Variants in OIP5 observed in about 807,000 individuals in gnomAD.
The protein encoded by OIP5 is Opa interacting protein 5.
In OIP5, 24 loss-of-function variants were observed where a neutral mutation model predicts 20.3. That is an observed-to-expected ratio of 1.18 (90% CI 0.86 to 1.66). The LOEUF is 1.66. Among genes scored for constraint, OIP5 ranks in the 40% most tolerant of loss-of-function variants. The pLI is 0.00. For synonymous variants in OIP5, 143 were observed against 121.3 expected (o/e 1.18, Z -1.17); for missense variants, 339 against 289.5 (o/e 1.17, Z -1.24).
At chr15:41,328,149 T>C (rs1019594645) in intron 2 of OIP5, among the ~76,000 whole-genome samples, 1 of 152,244 alleles carries the variant, frequency 6.6e-6, no homozygotes, top group Admixed American at 6.5e-5. Flanking sequence ...AATGATGTAA[T>C]TTCAGGTATC....
At chr15:41,323,919 C>A (rs1053265743) in intron 2 of OIP5, among the ~76,000 whole-genome samples, 1 of 150,814 alleles carries the variant, frequency 6.6e-6, no homozygotes, top group Non-Finnish European at 1.5e-5. Flanking sequence ...TCAGTACTTG[C>A]TGTTTCACTT....
At chr15:41,331,107 A>G (rs945733655) in intron 2 of OIP5, among the ~76,000 whole-genome samples, 9 of 152,234 alleles carry the variant, frequency 5.9e-5, no homozygotes, top group African/African-American at 2.2e-4. Flanking sequence ...AAGAATTCCT[A>G]TATTTTAACC....
chr15:41,319,061 CTT>C (rs1232229971), intron 3 of OIP5, among the ~76,000 whole-genome samples: 2 of 151,574 alleles, frequency 1.3e-5, no homozygotes, highest in African/African-American at 4.8e-5. Flanking sequence ...GGTACAAACA[CTT>C]TGTCTTTTTT....
intron 4 of OIP5, among the ~76,000 whole-genome samples, chr15:41,312,379 T>A (rs2047761407): frequency 6.6e-6 from 1 of 151,908 alleles, no homozygotes; most frequent in Non-Finnish European, 1.5e-5. Flanking sequence ...CAGGCTGGTC[T>A]CGAACTACTG....
chr15:41,332,362 G>T lies in OIP5; in HGVS notation c.200C>A (p.Pro67Gln). 1 of 1,612,740 alleles carries T rather than the reference G, an allele frequency of 6.2e-7. No homozygotes were observed. Among genetic ancestry groups the T allele is most frequent in the South Asian group, 1.1e-5 (1 of 90,962 alleles). ...GCACCTCTCAGGCTGCAGCCAAGAC[G>T]GCAGCTGCGGGCCGGCGGCTGGCTC... ...AEEPAAGPQL[P>Q]SWLQPERCAV... Residue 67 changes from proline (P) to glutamine (Q), a missense_variant, in exon 1 of 5, where the codon CCG (proline) becomes CAG (glutamine). Coordinates refer to ENST00000220514, the MANE Select transcript of OIP5 (RefSeq NM_007280.2).
intron 4 of OIP5, among the ~76,000 whole-genome samples, chr15:41,312,633 T>TA (rs938589654): frequency 6.1e-5 from 9 of 148,464 alleles, no homozygotes; most frequent in African/African-American, 2.2e-4. Flanking sequence ...CTAAATTTTT[T>TA]TTTTTTTTTT....
chr15:41,332,499 A>T lies in OIP5; in HGVS notation c.63T>A (p.Cys21Ter), dbSNP rs2140472968. 1 of 1,613,904 alleles carries T rather than the reference A, an allele frequency of 6.2e-7. No homozygotes were observed. Among genetic ancestry groups the T allele is most frequent in the African/African-American group, 1.3e-5 (1 of 75,046 alleles). ...RCATPPRGDF[C>*]GGTERAIDQA... ...GGTCAATCGCCCTCTCAGTGCCACCACAAAAGTCCCCCCGGGGCGGCGTTG... is the reference window on the plus strand; with the variant it reads ...GGTCAATCGCCCTCTCAGTGCCACCTCAAAAGTCCCCCCGGGGCGGCGTTG... Residue 21 changes from cysteine (C) to a stop codon, truncating the protein, a stop_gained, in exon 1 of 5, where the codon TGT (cysteine) becomes TGA (stop). Coordinates refer to ENST00000220514, the MANE Select transcript of OIP5 (RefSeq NM_007280.2). LOFTEE classifies it high-confidence loss of function.
chr15:41,330,409 AT>A (rs766498868), intron 2 of OIP5, among the ~76,000 whole-genome samples: 3,245 of 128,622 alleles, frequency 0.025, 36 homozygotes, highest in East Asian at 0.046. Flanking sequence ...CGTAATCAGT[AT>A]TTTTTTTTTT....
chr15:41,311,762 C>T (rs147927013), intron 4 of OIP5, among the ~76,000 whole-genome samples: 20 of 151,928 alleles, frequency 1.3e-4, no homozygotes, highest in African/African-American at 3.4e-4. Flanking sequence ...TTAGTAGAGA[C>T]GGGGTTTCAC....
chr15:41,325,628 A>G (rs999905068), intron 2 of OIP5, among the ~76,000 whole-genome samples: 4 of 151,308 alleles, frequency 2.6e-5, no homozygotes, highest in African/African-American at 9.7e-5. Context: ...AGGCAGGTGG[A>G]TCATTTGAGG....
At position 41,332,366 on chromosome 15, in the gene OIP5, G is replaced by A. The variant is rs761152074; in HGVS notation, c.196C>T (p.Leu66=). 2 of 1,612,692 alleles carry A rather than the reference G, an allele frequency of 1.2e-6. No homozygotes were observed. The highest frequency in any genetic ancestry group is 4.5e-5 in the East Asian group (2 of 44,864). ...GAEEPAAGPQ[L]PSWLQPERCA... ...CTCTCAGGCTGCAGCCAAGACGGCA[G>A]CTGCGGGCCGGCGGCTGGCTCCTCA... is the stretch of plus-strand genomic sequence containing the variant. The change falls in exon 1 of 5, where the codon CTG becomes TTG. Residue 66 remains leucine, a synonymous_variant. Coordinates refer to ENST00000220514, the MANE Select transcript of OIP5 (RefSeq NM_007280.2).
In OIP5 at chr15:41,319,363, C is replaced by A. The variant is rs140216419; in HGVS notation, c.512+295G>T. On this transcript the variant is annotated intron_variant, in intron 3 of 4. Transcript: ENST00000220514. Reference sequence around the variant, plus strand: ...CTCTGCCTCCCAGGTTCCAACAATTCTCGTGCCTCAGCCTCCTGAGTAGCT... The same window carrying A: ...CTCTGCCTCCCAGGTTCCAACAATTATCGTGCCTCAGCCTCCTGAGTAGCT... 2.1e-3 allele frequency among the ~76,000 whole-genome samples: 317 copies of A among 152,066 alleles called. 1 individual carries two copies. Among genetic ancestry groups the A allele is most frequent in the African/African-American group, 7.1e-3 (295 of 41,472 alleles).
chr15:41,311,566 A>AATT (rs888896067), intron 4 of OIP5, among the ~76,000 whole-genome samples: 6 of 151,950 alleles, frequency 3.9e-5, no homozygotes, highest in South Asian at 2.1e-4. Flanking sequence ...TTCCCATACC[A>AATT]ATTATTATTA....
At chr15:41,317,641 A>G (rs930487486) in intron 3 of OIP5, among the ~76,000 whole-genome samples, 1 of 151,900 alleles carries the variant, frequency 6.6e-6, no homozygotes, top group African/African-American at 2.4e-5. Flanking sequence ...CGGCCTCCCA[A>G]AGTACTGGGG....
intron 2 of OIP5, among the ~76,000 whole-genome samples, chr15:41,320,705 C>T (rs1429138556): frequency 6.6e-6 from 1 of 152,168 alleles, no homozygotes; most frequent in East Asian, 1.9e-4. Flanking sequence ...CAGCCGCCAC[C>T]CCGTCTGGGA....
At chr15:41,319,945 T>C (rs1309467339) in intron 2 of OIP5, among the ~76,000 whole-genome samples, 165 bp from the exon 3 acceptor site, 1 of 152,246 alleles carries the variant, frequency 6.6e-6, no homozygotes, top group Non-Finnish European at 1.5e-5. Flanking sequence ...GTAACTCAGA[T>C]TGTAATTTAA....
chr15:41,310,669 T>C (rs1172088148), intron 4 of OIP5, among the ~76,000 whole-genome samples: 1 of 151,242 alleles, frequency 6.6e-6, no homozygotes, highest in Admixed American at 6.6e-5. Flanking sequence ...TAAAGTTTCG[T>C]GTGAAAAAAG....
chr15:41,317,771 T>G (rs1448143498), intron 3 of OIP5, among the ~76,000 whole-genome samples: 1 of 152,130 alleles, frequency 6.6e-6, no homozygotes, highest in Non-Finnish European at 1.5e-5. Flanking sequence ...CTTGAACTCC[T>G]GGGCTGTAGC....
intron 2 of OIP5, among the ~76,000 whole-genome samples, chr15:41,326,163 A>G (rs142172184): frequency 2.0e-5 from 3 of 152,360 alleles, no homozygotes; most frequent in African/African-American, 7.2e-5. Context: ...CTCCATCTCA[A>G]AAAAACAAAC....
Sources: allele counts gnomAD v4.1 joint callset (sites outside exome capture counted in the v4.1 genomes callset), GRCh38; gene constraint gnomAD v4.1.1; transcripts MANE v1.5; gene names NCBI Gene and HGNC (gene_info 2026-07-23, HGNC 2026-07-21).